The following LOC400499 variants were observed in gnomAD, a reference collection of about 807,000 sequenced individuals.
chr16:11,487,783 C>T, the LOC400499 span, among the ~76,000 whole-genome samples: 3 of 152,184 alleles, frequency 2.0e-5, no homozygotes, highest in African/African-American at 7.2e-5. Context: ...TCACAATTCA[C>T]AGCCCTCAGC....
the LOC400499 span, among the ~76,000 whole-genome samples, chr16:11,388,865 T>C: frequency 3.9e-5 from 6 of 152,016 alleles, no homozygotes; most frequent in Admixed American, 1.3e-4. Flanking sequence ...AGAGGCCAAG[T>C]TGCTTGAGCT....
At chr16:11,377,808 CAGAG>C in the LOC400499 span, among the ~76,000 whole-genome samples, 1 of 152,182 alleles carries the variant, frequency 6.6e-6, no homozygotes, top group Non-Finnish European at 1.5e-5. Context: ...GCTGGCCTCA[CAGAG>C]TGAGTTTGGA....
At chr16:11,372,507 TACTC>T in the LOC400499 span, 7 of 152,654 alleles carry the variant, frequency 4.6e-5, no homozygotes, top group African/African-American at 1.7e-4. Context: ...GGGGGAGAAT[TACTC>T]AGACCAGTGG....
the LOC400499 span, among the ~76,000 whole-genome samples, chr16:11,503,233 A>T: frequency 6.8e-6 from 1 of 147,642 alleles, no homozygotes; most frequent in Non-Finnish European, 1.5e-5. Context: ...TATTCCTAAT[A>T]AAAAAATTGT....
chr16:11,415,550 C>T, the LOC400499 span, among the ~76,000 whole-genome samples: 3 of 152,214 alleles, frequency 2.0e-5, no homozygotes, highest in East Asian at 5.8e-4. Context: ...GGAAATGCTT[C>T]CTTCCTTCCT....
chr16:11,413,303 G>A, the LOC400499 span, among the ~76,000 whole-genome samples: 2 of 152,202 alleles, frequency 1.3e-5, no homozygotes, highest in Admixed American at 1.3e-4. Context: ...CAGTTGTGGG[G>A]TACAGGGCTG....
At chr16:11,416,899 G>A in the LOC400499 span, among the ~76,000 whole-genome samples, 1 of 152,090 alleles carries the variant, frequency 6.6e-6, no homozygotes, top group African/African-American at 2.4e-5. Context: ...ATGGGGGAAG[G>A]GTGTGGATTC....
chr16:11,522,853 A>G, the LOC400499 span, among the ~76,000 whole-genome samples: 1 of 151,944 alleles, frequency 6.6e-6, no homozygotes, highest in Admixed American at 6.6e-5. Flanking sequence ...GGGTGAGGAG[A>G]GTAACTGCTC....
At chr16:11,460,397 G>C in the LOC400499 span, 1 of 1,388,186 alleles carries the variant, frequency 7.2e-7, no homozygotes, top group South Asian at 1.6e-5. Context: ...TCTCTTTGGG[G>C]ATGAGTTCAG....
chr16:11,387,232 G>T, the LOC400499 span: 24 of 1,232,234 alleles, frequency 1.9e-5, no homozygotes, highest in Non-Finnish European at 2.4e-5. Flanking sequence ...TGGTCACCCG[G>T]GCCACGTCCA....
chr16:11,414,160 A>C, the LOC400499 span, among the ~76,000 whole-genome samples: 1 of 152,344 alleles, frequency 6.6e-6, no homozygotes, highest in African/African-American at 2.4e-5. Context: ...GGAAATGCAG[A>C]GACTGCTCAG....
At chr16:11,492,973 A>T in the LOC400499 span, among the ~76,000 whole-genome samples, 5 of 152,098 alleles carry the variant, frequency 3.3e-5, no homozygotes, top group African/African-American at 1.2e-4. Context: ...GGACATCTGG[A>T]GGAAAAGTGT....
chr16:11,405,131 G>T, the LOC400499 span, among the ~76,000 whole-genome samples: 1 of 152,212 alleles, frequency 6.6e-6, no homozygotes, highest in African/African-American at 2.4e-5. Flanking sequence ...GCCAAGCTGT[G>T]TGGCTCTGGG....
chr16:11,372,833 C>A, the LOC400499 span: 1 of 419,496 alleles, frequency 2.4e-6, no homozygotes, highest in Non-Finnish European at 3.2e-6. Context: ...GGGCCCCTGG[C>A]CTTCATTATT....
the LOC400499 span, among the ~76,000 whole-genome samples, chr16:11,481,675 C>A: frequency 1.3e-5 from 2 of 151,892 alleles, no homozygotes; most frequent in African/African-American, 4.8e-5. Flanking sequence ...CTCTGTCACT[C>A]AGGCTGGAGT....
chr16:11,458,323 G>C, the LOC400499 span, among the ~76,000 whole-genome samples: 2 of 152,062 alleles, frequency 1.3e-5, no homozygotes, highest in Non-Finnish European at 2.9e-5. Context: ...TCCAGCCTGG[G>C]CAACAGGCTG....
the LOC400499 span, chr16:11,460,609 A>C: frequency 6.5e-7 from 1 of 1,531,344 alleles, no homozygotes; most frequent in Non-Finnish European, 8.7e-7. Context: ...GCTTTGCCTG[A>C]CCTGTGTGGA....
chr16:11,471,452 A>G, the LOC400499 span: 1 of 389,772 alleles, frequency 2.6e-6, no homozygotes, highest in Non-Finnish European at 4.5e-6. Flanking sequence ...ACTGAGACCT[A>G]AAGACTGATT....
At chr16:11,382,928 G>C in the LOC400499 span, among the ~76,000 whole-genome samples, 42 of 139,336 alleles carry the variant, frequency 3.0e-4, no homozygotes, top group African/African-American at 1.0e-3. Context: ...CCTGAGGCTG[G>C]GTAGTTCATA....
Sources: gnomAD v4.1 joint callset for allele counts (sites outside exome capture counted in the v4.1 genomes callset) on GRCh38, gnomAD v4.1.1 for gene constraint, MANE v1.5 for transcripts.